Variants in GALNT13 observed in about 807,000 individuals in gnomAD.
GALNT13 encodes UDP-GalNAc:polypeptide N-acetylgalactosaminyltransferase 13.
A neutral mutation model predicts 64.2 loss-of-function variants in GALNT13; 28 were observed. The ratio of observed to expected loss-of-function variants is 0.44; its 90% confidence interval spans 0.32 to 0.60. GALNT13 has a LOEUF of 0.60. Among genes scored for constraint, GALNT13 ranks in the 20% least tolerant of loss-of-function variants. GALNT13 has a pLI of 0.05. For missense variants in GALNT13, 577 were observed against 669.8 expected, an observed-to-expected ratio of 0.86 and a Z score of 1.53; for synonymous variants, 214 against 224.6, an observed-to-expected ratio of 0.95 and a Z score of 0.42.
the GALNT13 span, among the ~76,000 whole-genome samples, chr2:153,361,634 C>A: frequency 3.8e-4 from 57 of 151,754 alleles, no homozygotes; most frequent in African/African-American, 1.4e-3. Context: ...AGTTTGAATA[C>A]CATCTTACTA....
At chr2:154,147,731 T>C (rs1359170302) in intron 4 of GALNT13, among the ~76,000 whole-genome samples, 6 of 152,188 alleles carry the variant, frequency 3.9e-5, no homozygotes, top group East Asian at 1.9e-4. Flanking sequence ...CAAATTCTAA[T>C]TGAGAAAGCA....
At chr2:153,383,053 A>G in the GALNT13 span, among the ~76,000 whole-genome samples, 1 of 152,126 alleles carries the variant, frequency 6.6e-6, no homozygotes, top group African/African-American at 2.4e-5. Flanking sequence ...TCATTTCTTT[A>G]TCCATCCATA....
the GALNT13 span, among the ~76,000 whole-genome samples, chr2:153,375,755 C>G: frequency 2.0e-5 from 3 of 152,308 alleles, no homozygotes; most frequent in South Asian, 2.1e-4. Context: ...GATCCCTCAG[C>G]TGAGTCCCCA....
At chr2:153,887,027 A>G (rs1465747994) in intron 1 of GALNT13, among the ~76,000 whole-genome samples, 2 of 151,970 alleles carry the variant, frequency 1.3e-5, no homozygotes, top group African/African-American at 4.8e-5. Context: ...GCCTGCATGG[A>G]ACTTAGTTAC....
At chr2:153,587,406 A>G in the GALNT13 span, among the ~76,000 whole-genome samples, 1 of 152,182 alleles carries the variant, frequency 6.6e-6, no homozygotes, top group African/African-American at 2.4e-5. Context: ...TGGGCAATTT[A>G]CAAAAGAAAG....
At chr2:153,697,048 T>A in the GALNT13 span, among the ~76,000 whole-genome samples, 1 of 152,072 alleles carries the variant, frequency 6.6e-6, no homozygotes, top group Non-Finnish European at 1.5e-5. Context: ...GAAGCCTTTA[T>A]GTGTTTCCCT....
At chr2:153,885,278 T>C (rs1309902404) in intron 1 of GALNT13, among the ~76,000 whole-genome samples, 1 of 152,042 alleles carries the variant, frequency 6.6e-6, no homozygotes, top group African/African-American at 2.4e-5. Flanking sequence ...TTCTTAACAA[T>C]GATCTTCAGT....
intron 4 of GALNT13, among the ~76,000 whole-genome samples, chr2:154,199,451 A>T (rs1485297341): frequency 6.6e-6 from 1 of 152,046 alleles, no homozygotes; most frequent in Non-Finnish European, 1.5e-5. Flanking sequence ...ACAGAGCACA[A>T]AATGGGTACA....
chr2:153,906,959 C>G (rs1420650169), intron 2 of GALNT13, among the ~76,000 whole-genome samples: 2 of 151,846 alleles, frequency 1.3e-5, no homozygotes, highest in Non-Finnish European at 2.9e-5. Context: ...GAGATGGTAT[C>G]TCATTGTGGT....
chr2:153,484,342 A>T, the GALNT13 span, among the ~76,000 whole-genome samples: 5 of 152,212 alleles, frequency 3.3e-5, no homozygotes. Context: ...TTATGTGAAC[A>T]TACTATAATT....
chr2:153,889,306 T>TA lies in GALNT13; in HGVS notation c.-176-11621dup, dbSNP rs998088410. 6.6e-5 allele frequency among the ~76,000 whole-genome samples: 10 copies of TA among 150,834 alleles called. No individual in the cohort carries two copies. The East Asian group carries it at 1.2e-3, about 18-fold the overall frequency. Reference sequence around the variant, plus strand: ...TCAAATTAAATTTTGCCAGGTGGATTAAAAAAAAATGCTCCTTATCCCAAA... The same window carrying TA: ...TCAAATTAAATTTTGCCAGGTGGATTAAAAAAAAAATGCTCCTTATCCCAAA... On this transcript the variant is annotated intron_variant, in intron 1 of 12. Transcript: ENST00000392825.
chr2:153,254,630 A>G, the GALNT13 span, among the ~76,000 whole-genome samples: 4 of 151,540 alleles, frequency 2.6e-5, no homozygotes, highest in African/African-American at 9.7e-5. Flanking sequence ...CCCTCCACAC[A>G]CTGCTTTGGA....
chr2:153,420,824 C>A, the GALNT13 span: 1 of 236,908 alleles, frequency 4.2e-6, no homozygotes, highest in South Asian at 6.8e-5. Context: ...TGGCATAACT[C>A]AAGTCAGACT....
chr2:153,364,414 G>A, the GALNT13 span, among the ~76,000 whole-genome samples: 1 of 151,288 alleles, frequency 6.6e-6, no homozygotes, highest in South Asian at 2.1e-4. Context: ...AAAAAAAAAA[G>A]AATTCAGATA....
the GALNT13 span, among the ~76,000 whole-genome samples, chr2:153,189,830 T>C: frequency 1.3e-5 from 2 of 152,106 alleles, no homozygotes; most frequent in Non-Finnish European, 2.9e-5. Flanking sequence ...GTGGTTTTGA[T>C]TTTTGCATTT....
chr2:154,010,926 T>A (rs948325605), intron 3 of GALNT13, among the ~76,000 whole-genome samples: 6 of 152,072 alleles, frequency 3.9e-5, no homozygotes, highest in African/African-American at 1.4e-4. Context: ...TGTGTGTATT[T>A]CTATGGGGTC....
the GALNT13 span, among the ~76,000 whole-genome samples, chr2:153,632,616 T>G: frequency 6.6e-6 from 1 of 152,194 alleles, no homozygotes; most frequent in Non-Finnish European, 1.5e-5. Flanking sequence ...TTTTATAAAA[T>G]AAAACATATA....
chr2:154,135,884 C>T (rs900223445), intron 3 of GALNT13, among the ~76,000 whole-genome samples: 2 of 152,058 alleles, frequency 1.3e-5, no homozygotes, highest in East Asian at 1.9e-4. Flanking sequence ...TAAACTAGAG[C>T]CTTTGGACTG....
chr2:153,612,378 G>C, the GALNT13 span, among the ~76,000 whole-genome samples: 9 of 152,076 alleles, frequency 5.9e-5, no homozygotes, highest in Admixed American at 3.9e-4. Flanking sequence ...GTACTATATA[G>C]ACACATGCAC....
Sources: gnomAD v4.1 joint callset for allele counts (sites outside exome capture counted in the v4.1 genomes callset) on GRCh38, gnomAD v4.1.1 for gene constraint, MANE v1.5 for transcripts, NCBI Gene and HGNC (gene_info 2026-07-23, HGNC 2026-07-21) for gene names.